Variants in DPYD observed in about 807,000 individuals in gnomAD.
The protein encoded by DPYD is dihydropyrimidine dehydrogenase.
Under a neutral mutation model 116.2 loss-of-function variants are expected in DPYD, and 109 were observed. The ratio of observed to expected loss-of-function variants is 0.94; its 90% CI spans 0.80 to 1.10. The LOEUF (loss-of-function observed/expected upper bound fraction) is 1.10, where lower values mean the gene tolerates loss of function less well. Among genes scored for constraint, DPYD ranks in the 50% least tolerant of loss-of-function variants. The pLI, the probability that DPYD is intolerant of heterozygous loss-of-function variation, is 0.00. For synonymous variants in DPYD, 440 were observed against 432.0 expected (o/e 1.02, Z -0.23); for missense variants, 1,302 against 1,254.5 (o/e 1.04, Z -0.57).
At chr1:97,571,248 G>A (rs192736942) in intron 11 of DPYD, among the ~76,000 whole-genome samples, 2 of 152,042 alleles carry the variant, frequency 1.3e-5, no homozygotes, top group East Asian at 3.9e-4. Context: ...AAGCAGCAAG[G>A]TAATAGAGTG....
At chr1:97,278,118 G>A (rs574038988) in intron 18 of DPYD, among the ~76,000 whole-genome samples, 1 of 152,124 alleles carries the variant, frequency 6.6e-6, no homozygotes, top group Non-Finnish European at 1.5e-5. Context: ...GTCTGTTCCA[G>A]GAAATGCAAA....
chr1:97,458,431 G>A (rs1165460591), intron 13 of DPYD, among the ~76,000 whole-genome samples: 1 of 152,120 alleles, frequency 6.6e-6, no homozygotes, highest in African/African-American at 2.4e-5. Flanking sequence ...ATGCATAGCT[G>A]TACTGGTATC....
chr1:97,654,395 A>G (rs768905399), intron 8 of DPYD, among the ~76,000 whole-genome samples: 6 of 152,288 alleles, frequency 3.9e-5, no homozygotes, highest in Non-Finnish European at 1.5e-5. Context: ...GCCAATATAT[A>G]AAGATTTACT....
intron 14 of DPYD, among the ~76,000 whole-genome samples, chr1:97,424,676 C>T (rs542269221): frequency 5.3e-4 from 81 of 152,104 alleles, no homozygotes; most frequent in Non-Finnish European, 9.7e-4. Flanking sequence ...TTCGTAAGAT[C>T]GATGTTTCTC....
At chr1:97,602,881 TTAATA>T (rs1308280395) in intron 8 of DPYD, among the ~76,000 whole-genome samples, 3 of 151,986 alleles carry the variant, frequency 2.0e-5, no homozygotes, top group Non-Finnish European at 4.4e-5. Flanking sequence ...AAATTATACT[TTAATA>T]TAAGCATTTG....
intron 7 of DPYD, among the ~76,000 whole-genome samples, chr1:97,688,491 G>C (rs1306422055): frequency 6.6e-6 from 1 of 151,844 alleles, no homozygotes; most frequent in Non-Finnish European, 1.5e-5. Context: ...AAGAAAAATG[G>C]TCATAGTTCT....
intron 21 of DPYD, among the ~76,000 whole-genome samples, chr1:97,092,543 G>A (rs1649962771): frequency 6.6e-6 from 1 of 151,986 alleles, no homozygotes; most frequent in African/African-American, 2.4e-5. Context: ...TGTTCCTCCA[G>A]AACTCCCTAC....
chr1:97,249,823 A>T (rs1662964205), intron 18 of DPYD, among the ~76,000 whole-genome samples: 1 of 152,226 alleles, frequency 6.6e-6, no homozygotes, highest in Non-Finnish European at 1.5e-5. Flanking sequence ...TACATAAAAA[A>T]GTGTTCCACA....
chr1:97,700,288 T>A, intron 5 of DPYD: 1 of 455,922 alleles, frequency 2.2e-6, no homozygotes, highest in Non-Finnish European at 4.4e-6. Context: ...TTTGGAAATG[T>A]AGGAGGCCAT....
At chr1:97,196,847 C>T (rs1305229147) in intron 19 of DPYD, among the ~76,000 whole-genome samples, 1 of 152,268 alleles carries the variant, frequency 6.6e-6, no homozygotes, top group South Asian at 2.1e-4. Context: ...TACTTTCCTA[C>T]AACTATTGCA....
chr1:97,728,797 G>T (rs371594717), intron 4 of DPYD, among the ~76,000 whole-genome samples: 1 of 152,194 alleles, frequency 6.6e-6, no homozygotes, highest in African/African-American at 2.4e-5. Context: ...ACCACACACA[G>T]AAAGTACATG....
intron 13 of DPYD, among the ~76,000 whole-genome samples, chr1:97,478,987 A>G (rs2101875112): frequency 2.0e-5 from 3 of 152,320 alleles, no homozygotes; most frequent in Middle Eastern, 6.8e-3. Context: ...CAGCCTTTAC[A>G]GAATTGGAGC....
intron 3 of DPYD, among the ~76,000 whole-genome samples, chr1:97,765,031 G>A (rs1665774859): frequency 6.6e-6 from 1 of 151,990 alleles, no homozygotes; most frequent in Non-Finnish European, 1.5e-5. Context: ...TTACTACCAG[G>A]CCAATCTTCT....
intron 8 of DPYD, among the ~76,000 whole-genome samples, chr1:97,676,717 T>C (rs1660163154): frequency 6.6e-6 from 1 of 152,138 alleles, no homozygotes; most frequent in Admixed American, 6.6e-5. Flanking sequence ...GCCAGTTATA[T>C]GGTAATACAA....
At chr1:97,826,984 T>C (rs1235512335) in intron 3 of DPYD, among the ~76,000 whole-genome samples, 1 of 152,084 alleles carries the variant, frequency 6.6e-6, no homozygotes, top group Non-Finnish European at 1.5e-5. Flanking sequence ...AGCTACTGTT[T>C]CCATTAAATT....
intron 3 of DPYD, among the ~76,000 whole-genome samples, chr1:97,793,807 CAA>C (rs1167125556): frequency 6.6e-6 from 1 of 152,068 alleles, no homozygotes. Flanking sequence ...CTAGGGTAGA[CAA>C]AGATTTTTTT....
chr1:97,367,661 G>C (rs1671107199), intron 16 of DPYD, among the ~76,000 whole-genome samples: 1 of 152,134 alleles, frequency 6.6e-6, no homozygotes, highest in Admixed American at 6.5e-5. Context: ...AGCTACGGCA[G>C]TCTTCTCTCT....
At chr1:97,645,030 C>T (rs928911655) in intron 8 of DPYD, among the ~76,000 whole-genome samples, 1 of 152,060 alleles carries the variant, frequency 6.6e-6, no homozygotes, top group Non-Finnish European at 1.5e-5. Context: ...GATATTTCCC[C>T]ATCAGTATTT....
intron 16 of DPYD, among the ~76,000 whole-genome samples, chr1:97,352,941 G>C (rs1670227251): frequency 6.6e-6 from 1 of 152,118 alleles, no homozygotes; most frequent in Non-Finnish European, 1.5e-5. Flanking sequence ...AGGAGAACAA[G>C]GCTCAGAACA....
Sources: allele counts gnomAD v4.1 joint callset (sites outside exome capture counted in the v4.1 genomes callset), GRCh38; gene constraint gnomAD v4.1.1; transcripts MANE v1.5; gene names NCBI Gene and HGNC (gene_info 2026-07-23, HGNC 2026-07-21).